COL19A1: variants seen among roughly 807,000 people sequenced by gnomAD.
COL19A1 encodes the protein collagen type XIX alpha 1 chain, also known as collagen alpha-1(XIX) chain.
In COL19A1, 159 loss-of-function variants were observed where a neutral mutation model predicts 190.2. That is an observed-to-expected ratio of 0.84 (90% CI 0.73 to 0.95). The LOEUF (loss-of-function observed/expected upper bound fraction) is 0.95, where lower values mean the gene tolerates loss of function less well. Among genes scored for constraint, COL19A1 ranks in the 40% least tolerant of loss-of-function variants. The probability of loss-of-function intolerance (pLI) is 0.00; values close to 1 mark genes in which losing one functional copy is unlikely to be tolerated. For missense variants in COL19A1, 1,418 were observed against 1,431.9 expected (o/e 0.99, Z 0.16); for synonymous variants, 509 against 458.9 (o/e 1.11, Z -1.39).
Position 70,149,916 on chromosome 6 carries a change from CT to C in COL19A1, c.1983+15del, listed in dbSNP as rs1326216309. The C allele has an allele frequency of 6.2e-7, 1 of 1,613,660 alleles. No homozygotes were observed. Among genetic ancestry groups the C allele is most frequent in the Non-Finnish European group, 8.5e-7 (1 of 1,179,794 alleles). On this transcript the variant is annotated intron_variant, in intron 29 of 50. Transcript: ENST00000620364. ...CTCCAGGGAATGATGTAAGGACTTT[CT>C]TTATCTACCCTCCCCCATTTTAATC...
At chr6:69,916,980 C>T (rs1771350104) in intron 4 of COL19A1, among the ~76,000 whole-genome samples, 1 of 152,188 alleles carries the variant, frequency 6.6e-6, no homozygotes, top group South Asian at 2.1e-4. Flanking sequence ...TTTAATTTCT[C>T]ATTTATGAAG....
rs767174241 is a variant in COL19A1, at chr6:70,144,231, A to G, written c.1648A>G (p.Ile550Val). 4 of 1,612,574 alleles carry G rather than the reference A, an allele frequency of 2.5e-6. No homozygotes were observed. In the South Asian group the frequency reaches 4.4e-5, roughly 18 times the overall value. ...GDVGLPGEHG[I>V]PGKQGIKGEK... Reference sequence around the variant, plus strand: ...CTAGGGATTGCCAGGAGAACATGGTATCCCAGGAAAACAAGGCATTAAAGG... The same window carrying G: ...CTAGGGATTGCCAGGAGAACATGGTGTCCCAGGAAAACAAGGCATTAAAGG... Residue 550 changes from isoleucine (I) to valine (V), a missense_variant, in exon 24 of 51, where the codon ATC (isoleucine) becomes GTC (valine). Transcript: ENST00000620364.
intron 14 of COL19A1, among the ~76,000 whole-genome samples, chr6:70,053,156 T>C (rs1207058118): frequency 2.0e-5 from 3 of 152,212 alleles, no homozygotes; most frequent in Non-Finnish European, 4.4e-5. Context: ...ATGTTATGCA[T>C]TATTATTTTA....
rs113375980 is a variant in COL19A1, at chr6:69,907,279, G to A, written c.266+6941G>A. Among the ~76,000 whole-genome samples the A allele has an allele frequency of 2.4e-3, 368 of 151,870 alleles. 3 individuals are homozygous for A. The highest frequency in any genetic ancestry group is 8.5e-3 in the African/African-American group (352 of 41,436). On this transcript the variant is annotated intron_variant, in intron 4 of 50. Coordinates refer to ENST00000620364, the MANE Select transcript of COL19A1 (RefSeq NM_001858.6). ...TGAGTAGCTGGGATTACAGGTGCGT[G>A]CCACCACTCCTGGCTAATTTTTGTA...
chr6:70,126,488 G>A (rs1785201744), intron 17 of COL19A1, among the ~76,000 whole-genome samples: 1 of 152,166 alleles, frequency 6.6e-6, no homozygotes, highest in African/African-American at 2.4e-5. Flanking sequence ...TTCAGATGTT[G>A]GTTTGATTAC....
chr6:70,034,372 G>C lies in COL19A1; in HGVS notation c.1134+74G>C, dbSNP rs7764390. On this transcript the variant is annotated intron_variant, in intron 13 of 50. Transcript: ENST00000620364. Reference sequence around the variant, plus strand: ...ACAACCTATGCAGTGACTTCTCATTGATACTGTTTATCTCCTAAAAGCATT... The same window carrying C: ...ACAACCTATGCAGTGACTTCTCATTCATACTGTTTATCTCCTAAAAGCATT... 0.36 allele frequency: 388,191 copies of C among 1,090,234 alleles called. 78,843 individuals are homozygous for C. Among genetic ancestry groups the C allele is most frequent in the Non-Finnish European group, 0.42 (295,559 of 704,266 alleles). The allele number at this position is 1,090,234 out of a possible 1,614,324, so 67.5% of individuals were successfully genotyped here. A position where few individuals can be genotyped will look rare whatever the true frequency, so the allele number is the denominator to read the frequency against.
At chr6:69,868,653 AG>A (rs1767631868) in intron 1 of COL19A1, among the ~76,000 whole-genome samples, 1 of 152,144 alleles carries the variant, frequency 6.6e-6, no homozygotes, top group East Asian at 1.9e-4. Context: ...AAGAGCAAAA[AG>A]GTGAAAGAAA....
rs73746872 is a variant in COL19A1 at position 70,138,923 on chromosome 6, A to C, written c.1446+1176A>C. On this transcript the variant is annotated intron_variant, in intron 19 of 50. Coordinates refer to ENST00000620364, the MANE Select transcript of COL19A1 (RefSeq NM_001858.6). ...TGGTGCATGCCCCTGGTACCTGCCA[A>C]CTCTCTAGGTGCTCCACACTTGGAG... Among the ~76,000 whole-genome samples the C allele has an allele frequency of 2.4e-3, 357 of 151,134 alleles. 2 individuals are homozygous for C. The highest frequency in any genetic ancestry group is 8.2e-3 in the African/African-American group (336 of 41,098).
chr6:70,059,714 G>A (rs758967117), intron 14 of COL19A1: 5 of 458,580 alleles, frequency 1.1e-5, no homozygotes, highest in African/African-American at 2.1e-5. Context: ...TGTGTTAAAC[G>A]GAAAATGAAT....
At chr6:69,883,396 C>T (rs1274862425) in intron 2 of COL19A1, among the ~76,000 whole-genome samples, 4 of 152,164 alleles carry the variant, frequency 2.6e-5, no homozygotes, top group Admixed American at 1.3e-4. Context: ...GGACCCTTCC[C>T]GGATATCAGG....
At chr6:70,073,405 G>A (rs1336248496) in intron 15 of COL19A1, among the ~76,000 whole-genome samples, 1 of 152,088 alleles carries the variant, frequency 6.6e-6, no homozygotes, top group Non-Finnish European at 1.5e-5. Flanking sequence ...TGCTAATAAC[G>A]CCTACCCCAC....
intron 11 of COL19A1, among the ~76,000 whole-genome samples, chr6:69,999,543 T>A (rs184899474): frequency 0.014 from 2,118 of 151,986 alleles, 42 homozygotes; most frequent in East Asian, 0.068. Context: ...CATAAAAAAA[T>A]TTTTTTTGAT....
At chr6:70,085,221 C>T (rs1782508330) in intron 15 of COL19A1, among the ~76,000 whole-genome samples, 1 of 152,284 alleles carries the variant, frequency 6.6e-6, no homozygotes, top group East Asian at 1.9e-4. Flanking sequence ...TTGTTGCTAG[C>T]ACAGTTGCCC....
intron 31 of COL19A1, among the ~76,000 whole-genome samples, chr6:70,155,783 T>C (rs1411797430): frequency 1.3e-5 from 2 of 152,166 alleles, no homozygotes; most frequent in Non-Finnish European, 2.9e-5. Flanking sequence ...ACCACTCCCT[T>C]TTAAAACATT....
At chr6:69,992,794 A>G (rs1776702992) in intron 11 of COL19A1, among the ~76,000 whole-genome samples, 2 of 152,206 alleles carry the variant, frequency 1.3e-5, no homozygotes, top group South Asian at 4.1e-4. Flanking sequence ...TGATTTTTGT[A>G]CATTGATTTT....
intron 9 of COL19A1, among the ~76,000 whole-genome samples, chr6:69,952,385 C>A (rs534948037): frequency 2.1e-4 from 32 of 151,728 alleles, no homozygotes; most frequent in Admixed American, 1.3e-3. Context: ...TAATGCAACA[C>A]CTAATGTAGA....
intron 2 of COL19A1, among the ~76,000 whole-genome samples, chr6:69,895,372 A>G (rs1769653099): frequency 6.6e-6 from 1 of 152,202 alleles, no homozygotes; most frequent in Admixed American, 6.5e-5. Flanking sequence ...CCACTTCTTG[A>G]GCTCCCACAT....
rs114126513 is a variant in COL19A1 at position 70,180,221 on chromosome 6, C to T, written c.2668-91C>T. ...CTGGAGAGCATCACCCTTGGGAGCA[C>T]TATAAACTCAATTGGGGTTGGGGGA... On this transcript the variant is annotated intron_variant, in intron 42 of 50. Transcript: ENST00000620364. 5,267 of 1,454,476 alleles carry T rather than the reference C, an allele frequency of 3.6e-3. 152 individuals carry two copies. In the African/African-American group the frequency reaches 0.062, roughly 17 times the overall value. The allele number at this position is 1,454,476 out of a possible 1,614,324, so 90.1% of individuals were successfully genotyped here. A position where few individuals can be genotyped will look rare whatever the true frequency, so the allele number is the denominator to read the frequency against.
chr6:70,134,214 T>C (rs546679336), intron 18 of COL19A1, among the ~76,000 whole-genome samples: 15 of 152,326 alleles, frequency 9.8e-5, no homozygotes, highest in South Asian at 6.2e-4. Context: ...TTATTTTCTC[T>C]ATCAAACCAA....
Sources: gnomAD v4.1 joint callset for allele counts (sites outside exome capture counted in the v4.1 genomes callset) on GRCh38, gnomAD v4.1.1 for gene constraint, MANE v1.5 for transcripts, NCBI Gene and HGNC (gene_info 2026-07-23, HGNC 2026-07-21) for gene names.